The following SLC7A6 variants were observed in gnomAD, a reference collection of about 807,000 sequenced individuals.
SLC7A6 encodes the protein Y+L amino acid transporter 2.
A neutral mutation model predicts 46.6 loss-of-function variants in SLC7A6; 29 were observed. The ratio of observed to expected loss-of-function variants is 0.62; its 90% CI spans 0.46 to 0.85. SLC7A6 has a LOEUF of 0.85. Ranked by LOEUF, SLC7A6 falls within the 40% of genes least tolerant of loss-of-function variation. The pLI, the probability that SLC7A6 is intolerant of heterozygous loss-of-function variation, is 0.00. For synonymous variants in SLC7A6, 276 were observed against 257.3 expected, an observed-to-expected ratio of 1.07 and a Z score of -0.70; for missense variants, 527 against 647.6, an observed-to-expected ratio of 0.81 and a Z score of 2.02.
Position 68,275,660 on chromosome 16 carries a change from A to AG in SLC7A6, c.523+414dup, listed in dbSNP as rs2042700088. Among the ~76,000 whole-genome samples the AG allele has an allele frequency of 4.0e-5, 6 of 149,096 alleles. No individual in the cohort carries two copies. The South Asian group carries it at 1.3e-3, about 32-fold the overall frequency. On this transcript the variant is annotated intron_variant, in intron 3 of 10. Coordinates refer to ENST00000219343, the MANE Select transcript of SLC7A6 (RefSeq NM_003983.6). ...TAGCATATTTTGCATTTTGGAGGGG[A>AG]GGGAGGCTTCTTACCTTTTGAGGAA...
At chr16:68,291,015 T>C in intron 5 of SLC7A6, 194 bp from the exon 6 acceptor site, 1 of 632,812 alleles carries the variant, frequency 1.6e-6, no homozygotes, top group Non-Finnish European at 2.8e-6. Flanking sequence ...ATATTGATCA[T>C]GAGCTATCTT....
At chr16:68,295,966 AGT>A (rs902136051) in intron 8 of SLC7A6, among the ~76,000 whole-genome samples, 1 of 152,174 alleles carries the variant, frequency 6.6e-6, no homozygotes, top group Non-Finnish European at 1.5e-5. Context: ...GCCTGAGGAC[AGT>A]GAGATGGTTC....
chr16:68,271,265 T>C (rs2042619096), intron 2 of SLC7A6, among the ~76,000 whole-genome samples: 1 of 152,220 alleles, frequency 6.6e-6, no homozygotes, highest in African/African-American at 2.4e-5. Context: ...AATACTAGGA[T>C]TATAGGCGTG....
Position 68,301,460 on chromosome 16 carries a change from G to A in SLC7A6, c.*4132G>A. The A allele has an allele frequency of 2.6e-6, 4 of 1,536,122 alleles. No homozygotes were observed. The highest frequency in any genetic ancestry group is 2.3e-5 in the South Asian group (2 of 86,126). On this transcript the variant is annotated 3_prime_UTR_variant, in exon 11 of 11. Coordinates refer to ENST00000219343, the MANE Select transcript of SLC7A6 (RefSeq NM_003983.6). Reference sequence around the variant, plus strand: ...AATGTGATTTTCCTAGGCTACTGCAGGAGCCCCTTCTCTTCTCAGAAAGGT... The same window carrying A: ...AATGTGATTTTCCTAGGCTACTGCAAGAGCCCCTTCTCTTCTCAGAAAGGT...
At chr16:68,270,278 A>G (rs891954696) in intron 2 of SLC7A6, among the ~76,000 whole-genome samples, 1 of 151,730 alleles carries the variant, frequency 6.6e-6, no homozygotes, top group Admixed American at 6.6e-5. Flanking sequence ...CCCTTTTCCC[A>G]GGAGAAAGAC....
intron 2 of SLC7A6, among the ~76,000 whole-genome samples, chr16:68,273,492 G>A (rs2042656264): frequency 1.3e-5 from 2 of 152,136 alleles, no homozygotes; most frequent in African/African-American, 4.8e-5. Flanking sequence ...ATCACGCTGG[G>A]TGCAGGGTCA....
At chr16:68,267,948 G>C (rs1430345284) in intron 2 of SLC7A6, among the ~76,000 whole-genome samples, 1 of 152,170 alleles carries the variant, frequency 6.6e-6, no homozygotes, top group African/African-American at 2.4e-5. Flanking sequence ...GGGAGCTTCC[G>C]GATAGCTGGA....
In SLC7A6 at chr16:68,290,560, C is replaced by A. The variant is rs751162812; in HGVS notation, c.794+20C>A. ...AGAAAGGTAAAGATGGGATCACACT[C>A]TCACTCCCCAGCTTGGCTGGAACTC... On this transcript the variant is annotated intron_variant, in intron 5 of 10. Coordinates refer to ENST00000219343, the MANE Select transcript of SLC7A6 (RefSeq NM_003983.6). 1.9e-6 allele frequency: 3 copies of A among 1,613,538 alleles called. No individual in the cohort carries two copies. Among genetic ancestry groups the A allele is most frequent in the Non-Finnish European group, 1.7e-6 (2 of 1,179,750 alleles).
intron 2 of SLC7A6, among the ~76,000 whole-genome samples, chr16:68,267,925 G>T (rs1187675851): frequency 6.6e-6 from 1 of 152,200 alleles, no homozygotes; most frequent in Non-Finnish European, 1.5e-5. Context: ...AAACCCAAGA[G>T]GCTGGGGGTT....
intron 5 of SLC7A6, 183 bp downstream of exon 5, chr16:68,290,723 C>T (rs988397782): frequency 2.2e-5 from 16 of 712,332 alleles, no homozygotes; most frequent in East Asian, 1.4e-4. Flanking sequence ...GGAAAGCCTT[C>T]GGCTCCCTGT....
In SLC7A6 at chr16:68,290,528, A is replaced by G; in HGVS notation, c.782A>G (p.Lys261Arg). The change falls in exon 5 of 11, where the codon AAA becomes AGA. Residue 261 changes from lysine to arginine, a missense_variant. By Grantham distance (26) the Lys-to-Arg change is conservative (BLOSUM62 2). Transcript: ENST00000219343. The stretch of plus-strand genomic sequence containing the variant: ...CTTAATTTTGTAACAGAAGAAATCA[A>G]AAACCCAGAAAGGTAAAGATGGGAT... Reference protein sequence around the residue: ...DTLNFVTEEIKNPERNLPLAI... With the variant: ...DTLNFVTEEIRNPERNLPLAI... The G allele has an allele frequency of 6.2e-7, 1 of 1,614,144 alleles. No individual in the cohort carries two copies. The highest frequency in any genetic ancestry group is 8.5e-7 in the Non-Finnish European group (1 of 1,180,020).
At chr16:68,271,352 G>A (rs1379529696) in intron 2 of SLC7A6, among the ~76,000 whole-genome samples, 1 of 152,128 alleles carries the variant, frequency 6.6e-6, no homozygotes, top group African/African-American at 2.4e-5. Flanking sequence ...TCACCCAGGC[G>A]GGAGTGCAAT....
intron 2 of SLC7A6, among the ~76,000 whole-genome samples, chr16:68,268,838 T>C (rs2042578013): frequency 6.6e-6 from 1 of 151,960 alleles, no homozygotes; most frequent in African/African-American, 2.4e-5. Context: ...TGAAACCCCG[T>C]CTCTACTAAA....
At chr16:68,268,031 G>A (rs1402977520) in intron 2 of SLC7A6, among the ~76,000 whole-genome samples, 8 of 152,164 alleles carry the variant, frequency 5.3e-5, no homozygotes, top group Non-Finnish European at 1.0e-4. Context: ...CCCATATGTG[G>A]CTCTGCAAAC....
Position 68,301,567 on chromosome 16 carries a change from G to A in SLC7A6, c.*4239G>A, listed in dbSNP as rs1486367148. On this transcript the variant is annotated 3_prime_UTR_variant, in exon 11 of 11. Coordinates refer to ENST00000219343, the MANE Select transcript of SLC7A6 (RefSeq NM_003983.6). ...TAGAATTCTTTTTTTTTTAAAGAAGGAATCACTTTCCTATCATCTAAACCA... is the reference window on the plus strand; with the variant it reads ...TAGAATTCTTTTTTTTTTAAAGAAGAAATCACTTTCCTATCATCTAAACCA... 10 of 549,282 alleles carry A rather than the reference G, an allele frequency of 1.8e-5. No homozygotes were observed. Among genetic ancestry groups the A allele is most frequent in the Non-Finnish European group, 2.7e-5 (9 of 333,906 alleles). 34.0% of individuals were successfully genotyped at this position (549,282 alleles called of 1,614,324 possible).
intron 7 of SLC7A6, 136 bp downstream of exon 7, chr16:68,291,797 G>GTGTT: frequency 1.4e-6 from 1 of 713,176 alleles, no homozygotes; most frequent in Admixed American, 2.5e-5. Flanking sequence ...GTGTGTGTGT[G>GTGTT]TGTTTGGTAT....
At chr16:68,297,116 A>G in intron 10 of SLC7A6, 118 bp from the exon 11 acceptor site, 4 of 903,598 alleles carry the variant, frequency 4.4e-6, no homozygotes, top group East Asian at 2.6e-5. Context: ...AAAGCCTGAT[A>G]TAGGGTACTT....
intron 3 of SLC7A6, among the ~76,000 whole-genome samples, chr16:68,283,360 T>C (rs1023501872): frequency 6.6e-6 from 1 of 152,200 alleles, no homozygotes; most frequent in African/African-American, 2.4e-5. Flanking sequence ...TCCAGGATGG[T>C]TATTGAAGCT....
At position 68,274,746 on chromosome 16, in the gene SLC7A6, G is replaced by A. The variant is rs1242627616; in HGVS notation, c.20G>A (p.Gly7Glu). 6.2e-7 allele frequency: 1 copy of A among 1,614,094 alleles called. No homozygotes were observed. Residue 7 changes from glycine to glutamate, a missense_variant, in exon 3 of 11, where the codon GGG (glycine) becomes GAG (glutamate). Transcript: ENST00000219343. ...TTTGTCATGGAAGCCAGGGAGCCTG[G>A]GAGGCCCACACCCACCTACCATCTT... The part of the protein sequence containing the change: MEAREP[G>E]RPTPTYHLVP...
Sources: gnomAD v4.1 joint callset for allele counts (sites outside exome capture counted in the v4.1 genomes callset) on GRCh38, gnomAD v4.1.1 for gene constraint, MANE v1.5 for transcripts, NCBI Gene and HGNC (gene_info 2026-07-23, HGNC 2026-07-21) for gene names.